The following BRCC3 variants were observed in gnomAD, a reference collection of about 807,000 sequenced individuals.
BRCC3 encodes the protein lys-63-specific deubiquitinase BRCC36.
A neutral mutation model predicts 28.0 loss-of-function variants in BRCC3; 15 were observed. The observed-to-expected ratio is 0.54, with a 90% CI of 0.36 to 0.82. The LOEUF (loss-of-function observed/expected upper bound fraction) is 0.82. Ranked by LOEUF, BRCC3 falls within the 40% of genes least tolerant of loss-of-function variation. The pLI is 0.01. For synonymous variants in BRCC3, 66 were observed against 80.3 expected (o/e 0.82, Z 0.95); for missense variants, 109 against 225.9 (o/e 0.48, Z 3.32).
chrX:155,094,477 A>T (rs2074196909), intron 7 of BRCC3, among the ~76,000 whole-genome samples: 1 of 110,759 alleles, frequency 9.0e-6, no homozygotes, highest in Non-Finnish European at 1.9e-5. Flanking sequence ...CTAGAGTCTC[A>T]TTGCTGGTAG....
At chrX:155,102,683 T>C (rs1300831762) in intron 7 of BRCC3, among the ~76,000 whole-genome samples, 25 of 112,367 alleles carry the variant, frequency 2.2e-4, no homozygotes, top group African/African-American at 7.1e-4. Flanking sequence ...AATCATTTAC[T>C]CTTTCACCAT....
intron 5 of BRCC3, among the ~76,000 whole-genome samples, chrX:155,087,521 G>C (rs1277080123): frequency 8.9e-6 from 1 of 112,102 alleles, no homozygotes; most frequent in Non-Finnish European, 1.9e-5. Context: ...TCTGGGACTA[G>C]AGTTTGTTGG....
intron 7 of BRCC3, among the ~76,000 whole-genome samples, chrX:155,096,419 T>A (rs2074210113): frequency 8.9e-6 from 1 of 112,577 alleles, no homozygotes. Context: ...GTTATGTGAA[T>A]TTCACCTAAA....
intron 7 of BRCC3, among the ~76,000 whole-genome samples, chrX:155,101,154 C>T (rs2074244772): frequency 8.9e-6 from 1 of 111,879 alleles, no homozygotes; most frequent in African/African-American, 3.3e-5. Context: ...CCATCTCAGC[C>T]TCCCAAAGTA....
At chrX:155,109,248 A>C (rs1407573559) in intron 7 of BRCC3, among the ~76,000 whole-genome samples, 1 of 111,680 alleles carries the variant, frequency 9.0e-6, no homozygotes, top group African/African-American at 3.2e-5. Flanking sequence ...CGGTAACATT[A>C]GTTCTCCCCT....
chrX:155,077,771 G>A (rs140647007), intron 4 of BRCC3, among the ~76,000 whole-genome samples: 167 of 112,272 alleles, frequency 1.5e-3, no homozygotes, highest in African/African-American at 5.2e-3. Flanking sequence ...TGTTTCCTGT[G>A]ATTTGTTTCA....
At chrX:155,075,936 T>C (rs3850321) in intron 3 of BRCC3, among the ~76,000 whole-genome samples, 1,432 of 112,206 alleles carry the variant, frequency 0.013, 23 homozygotes, top group African/African-American at 0.043. Context: ...ATTCGGCACC[T>C]GTAGAAAATC....
chrX:155,077,322 G>C (rs1557293761), intron 4 of BRCC3, 33 bp downstream of exon 4: 1 of 1,141,408 alleles, frequency 8.8e-7, no homozygotes, highest in African/African-American at 1.8e-5. Context: ...GCTTTTATGT[G>C]CTCTGGGGTT....
chrX:155,115,922 G>A (rs1226113540), intron 7 of BRCC3, 135 bp from the exon 8 acceptor site: 22 of 612,381 alleles, frequency 3.6e-5, no homozygotes, highest in Non-Finnish European at 5.2e-5. Context: ...CTTTGAAGTT[G>A]CATCACTAAA....
intron 7 of BRCC3, among the ~76,000 whole-genome samples, chrX:155,105,501 C>T (rs1171848667): frequency 8.9e-6 from 1 of 111,844 alleles, no homozygotes; most frequent in Non-Finnish European, 1.9e-5. Context: ...AAAAGCTTAT[C>T]TTCATGTCAG....
chrX:155,087,409 G>A (rs187268111), intron 5 of BRCC3, among the ~76,000 whole-genome samples: 6 of 112,050 alleles, frequency 5.4e-5, no homozygotes, highest in Non-Finnish European at 1.9e-5. Flanking sequence ...CAGGCGCCAG[G>A]GTGGAGGTAC....
intron 7 of BRCC3, among the ~76,000 whole-genome samples, chrX:155,105,426 T>C (rs1295203186): frequency 3.6e-5 from 4 of 111,454 alleles, no homozygotes; most frequent in African/African-American, 1.3e-4. Flanking sequence ...GAGGTTGCAG[T>C]GAGCCGAGAT....
At chrX:155,112,222 A>G (rs2074326456) in intron 7 of BRCC3, among the ~76,000 whole-genome samples, 1 of 111,588 alleles carries the variant, frequency 9.0e-6, no homozygotes, top group Admixed American at 9.5e-5. Flanking sequence ...TGCTGCTCCT[A>G]TGTTCTGGGG....
Position 155,077,202 on chromosome X carries a change from T to C in BRCC3, c.228T>C (p.Ser76=). 5.9e-6 allele frequency: 7 copies of C among 1,191,366 alleles called. No individual in the cohort carries two copies. The highest frequency in any genetic ancestry group is 7.9e-6 in the Non-Finnish European group (7 of 882,087). The change falls in exon 4 of 11, where the codon TCT becomes TCC. Residue 76 remains serine, a synonymous_variant. Coordinates refer to ENST00000330045, the MANE Select transcript of BRCC3 (RefSeq NM_001018055.3). ...CCGTCAGAATTGTTCACATTCATTC[T>C]GTCATCATCTTACGACGTTCTGATA... The part of the protein sequence containing the change: ...VDAVRIVHIH[S]VIILRRSDKR...
chrX:155,078,750 T>A, intron 5 of BRCC3, 47 bp downstream of exon 5: 9 of 962,986 alleles, frequency 9.3e-6, no homozygotes, highest in Non-Finnish European at 1.3e-5. Context: ...GAAATTAATA[T>A]CATGTTTCCT....
chrX:155,110,197 G>A (rs1479196482), intron 7 of BRCC3, among the ~76,000 whole-genome samples: 4 of 111,266 alleles, frequency 3.6e-5, no homozygotes, highest in African/African-American at 1.3e-4. Flanking sequence ...GCTAGATTTT[G>A]ATATCATGGT....
chrX:155,099,016 T>A (rs782211802), intron 7 of BRCC3, among the ~76,000 whole-genome samples: 1 of 111,505 alleles, frequency 9.0e-6, no homozygotes, highest in Non-Finnish European at 1.9e-5. Flanking sequence ...ACTATTAAAC[T>A]TCTCTGTGTT....
intron 10 of BRCC3, among the ~76,000 whole-genome samples, chrX:155,120,754 T>A (rs4898413): frequency 0.54 from 60,142 of 110,376 alleles, 13,522 homozygotes; most frequent in East Asian, 0.73. Context: ...AGTAAACTCC[T>A]ATTGAGCAGA....
At chrX:155,112,204 G>C (rs2074326318) in intron 7 of BRCC3, among the ~76,000 whole-genome samples, 1 of 111,518 alleles carries the variant, frequency 9.0e-6, no homozygotes, top group African/African-American at 3.3e-5. Flanking sequence ...TAGCAGAACT[G>C]CCAACATTGC....
Sources: gnomAD v4.1 joint callset for allele counts (sites outside exome capture counted in the v4.1 genomes callset) on GRCh38, gnomAD v4.1.1 for gene constraint, MANE v1.5 for transcripts, NCBI Gene and HGNC (gene_info 2026-07-23, HGNC 2026-07-21) for gene names.